Variants in FHL3 observed in about 807,000 individuals in gnomAD.
The protein encoded by FHL3 is four and a half LIM domains protein 3.
FHL3 carries 21 observed loss-of-function variants against 34.3 expected under a neutral mutation model. That is an observed-to-expected ratio of 0.61 (90% CI 0.43 to 0.88). FHL3 has a LOEUF of 0.88. Ranked by LOEUF, FHL3 falls within the 40% of genes least tolerant of loss-of-function variation. The probability of loss-of-function intolerance (pLI) is 0.00; values close to 1 mark genes in which losing one functional copy is unlikely to be tolerated. For missense variants in FHL3, 333 were observed against 373.7 expected (o/e 0.89, Z 0.90); for synonymous variants, 137 against 144.6 (o/e 0.95, Z 0.38).
intron 3 of FHL3, among the ~76,000 whole-genome samples, chr1:37,998,360 C>A (rs1557761855): frequency 6.6e-6 from 1 of 152,138 alleles, no homozygotes; most frequent in Non-Finnish European, 1.5e-5. Flanking sequence ...ATGTTAAGCC[C>A]CCATATGTCC....
intron 1 of FHL3, among the ~76,000 whole-genome samples, chr1:38,004,510 T>C (rs1394816695): frequency 1.5e-5 from 2 of 131,944 alleles, no homozygotes; most frequent in Non-Finnish European, 3.1e-5. Context: ...GGTGTCTGTC[T>C]CTGCTTCACT....
intron 3 of FHL3, 144 bp downstream of exon 3, chr1:37,998,830 C>T (rs964357322): frequency 3.7e-6 from 3 of 804,046 alleles, no homozygotes; most frequent in South Asian, 3.6e-5. Context: ...ACCAGGCAAA[C>T]AGATCCCGTA....
Position 37,997,765 on chromosome 1 carries a change from G to T in FHL3, c.607C>A (p.Arg203=), listed in dbSNP as rs187833193. ...TPLAGQQFTS[R]DEDPYCVACF... Reference sequence around the variant, plus strand: ...GCCACACAGTAGGGATCTTCATCCCGGGAGGTGAACTGCTGCCCTGCCAGG... The same window carrying T: ...GCCACACAGTAGGGATCTTCATCCCTGGAGGTGAACTGCTGCCCTGCCAGG... The change falls in exon 5 of 6, where the codon CGG becomes AGG. Residue 203 remains arginine, a synonymous_variant. Transcript: ENST00000373016. This position sits in a 1 kb window ranked among gnomAD's most constrained non-coding sequence, Gnocchi z 4.3. 3 of 1,614,158 alleles carry T rather than the reference G, an allele frequency of 1.9e-6. No homozygotes were observed. Among genetic ancestry groups the T allele is most frequent in the Non-Finnish European group, 2.5e-6 (3 of 1,180,008 alleles).
Position 37,999,026 on chromosome 1 carries a change from G to A in FHL3, c.279C>T (p.Tyr93=), listed in dbSNP as rs1488757163. ...QDSELLCNDC[Y]CSAFSSQCSA... ...AGCACTGCGAGGAAAACGCACTGCA[G>A]TAGCAGTCATTGCAGAGCAGCTCAC... The change falls in exon 3 of 6, where the codon TAC becomes TAT. Residue 93 remains tyrosine (Y), a synonymous_variant. Transcript: ENST00000373016. 2 of 1,614,276 alleles carry A rather than the reference G, an allele frequency of 1.2e-6. No homozygotes were observed. Among genetic ancestry groups the A allele is most frequent in the East Asian group, 2.2e-5 (1 of 44,888 alleles).
chr1:38,002,435 T>C (rs1420927513), intron 1 of FHL3, among the ~76,000 whole-genome samples: 1 of 151,802 alleles, frequency 6.6e-6, no homozygotes, highest in Non-Finnish European at 1.5e-5. Flanking sequence ...GGTCTCAATA[T>C]GCTGCGCAGG....
chr1:38,005,348 G>A lies in FHL3; in HGVS notation c.-21+9C>T, dbSNP rs1646633899. 2 of 149,924 alleles carry A rather than the reference G, an allele frequency of 1.3e-5. No individual in the cohort carries two copies. Among genetic ancestry groups the A allele is most frequent in the African/African-American group, 4.9e-5 (2 of 41,174 alleles). The allele number at this position is 149,924 out of a possible 1,614,324, so 9.3% of individuals were successfully genotyped here. ...CAGGGCTGGGAGCCGGGGTCGGCGG[G>A]GCGCTCACCTCGAAGCGGGCGGCGG... On this transcript the variant is annotated intron_variant, in intron 1 of 5. Coordinates refer to ENST00000373016, the MANE Select transcript of FHL3 (RefSeq NM_004468.5).
chr1:37,998,872 G>A, intron 3 of FHL3, 102 bp downstream of exon 3: 3 of 1,197,150 alleles, frequency 2.5e-6, no homozygotes, highest in Admixed American at 4.4e-5. Context: ...TGCTGTGTAT[G>A]CAGGTCTTTA....
chr1:37,999,174 G>A (rs772076683), intron 2 of FHL3, 26 bp from the exon 3 acceptor site: 2 of 1,613,998 alleles, frequency 1.2e-6, no homozygotes, highest in East Asian at 2.2e-5. Context: ...CAGGGGCACT[G>A]GCACCCAGGC....
rs1375621165 is a variant in FHL3 at position 38,005,406 on chromosome 1, G to A, written c.-70C>T. On this transcript the variant is annotated 5_prime_UTR_variant, in exon 1 of 6. Coordinates refer to ENST00000373016, the MANE Select transcript of FHL3 (RefSeq NM_004468.5). Reference sequence around the variant, plus strand: ...GAGCGCGCGGCGCAGGCGGGGCCGGGAACCGGGCGCCGCGTCCCTCGGCGG... The same window carrying A: ...GAGCGCGCGGCGCAGGCGGGGCCGGAAACCGGGCGCCGCGTCCCTCGGCGG... The A allele has an allele frequency of 6.7e-6, 1 of 149,382 alleles. No individual in the cohort carries two copies. Among genetic ancestry groups the A allele is most frequent in the Non-Finnish European group, 1.5e-5 (1 of 66,792 alleles). 9.3% of individuals were successfully genotyped at this position (149,382 alleles called of 1,614,324 possible).
chr1:37,998,936 T>C (rs935290655), intron 3 of FHL3, 38 bp downstream of exon 3: 16 of 1,602,066 alleles, frequency 1.0e-5, no homozygotes, highest in Non-Finnish European at 1.3e-5. Context: ...CCTACGCAGA[T>C]GCCAGTTCTC....
At chr1:37,998,929 A>G (rs778919572) in intron 3 of FHL3, 45 bp downstream of exon 3, 36 of 1,590,754 alleles carry the variant, frequency 2.3e-5, no homozygotes, top group Non-Finnish European at 3.1e-5. Flanking sequence ...CAAAGACCCT[A>G]CGCAGATGCC....
Position 37,998,968 on chromosome 1 carries a change from ACAT to A in FHL3, c.331+3_331+5del. On this transcript the variant is annotated splice_donor_5th_base_variant and intron_variant, in intron 3 of 5. Coordinates refer to ENST00000373016, the MANE Select transcript of FHL3 (RefSeq NM_004468.5). ...TCTCACACAAGATGAGCCCCTGAACACATACCAGGCATGACAGTCTCCCCACAA... is the reference window on the plus strand; with the variant it reads ...TCTCACACAAGATGAGCCCCTGAACAACCAGGCATGACAGTCTCCCCACAA... 6.2e-7 allele frequency: 1 copy of A among 1,613,182 alleles called. No homozygotes were observed.
intron 1 of FHL3, among the ~76,000 whole-genome samples, chr1:38,004,962 G>A (rs968621685): frequency 6.6e-6 from 1 of 152,056 alleles, no homozygotes; most frequent in Non-Finnish European, 1.5e-5. Flanking sequence ...GTGTGTCCTT[G>A]TTTCAGTGGT....
chr1:38,004,604 G>A (rs1354924316), intron 1 of FHL3, among the ~76,000 whole-genome samples: 2 of 152,084 alleles, frequency 1.3e-5, no homozygotes, highest in African/African-American at 2.4e-5. Flanking sequence ...TCCCCCAGGG[G>A]GCCCATGCCT....
intron 1 of FHL3, 83 bp downstream of exon 1, chr1:38,005,274 C>A (rs1646632776): frequency 6.6e-6 from 1 of 151,384 alleles, no homozygotes; most frequent in South Asian, 2.1e-4. Context: ...CTGGCCTCAG[C>A]CCTCCGCGGG....
Position 37,997,577 on chromosome 1 carries a change from G to C in FHL3, c.689-18C>G. On this transcript the variant is annotated intron_variant, in intron 5 of 5. Transcript: ENST00000373016. This position sits in a 1 kb window ranked among gnomAD's most constrained non-coding sequence, Gnocchi z 4.3. ...ACCGAGTCCTGGAGGGAGGCTGGAA[G>C]TTAGCTATGCAGATGTGGGGATGGT... 6.2e-7 allele frequency: 1 copy of C among 1,613,770 alleles called. No individual in the cohort carries two copies. Among genetic ancestry groups the C allele is most frequent in the Non-Finnish European group, 8.5e-7 (1 of 1,179,822 alleles).
At chr1:38,002,535 A>ATTTT (rs35702463) in intron 1 of FHL3, among the ~76,000 whole-genome samples, 3 of 106,744 alleles carry the variant, frequency 2.8e-5, no homozygotes, top group Admixed American at 1.0e-4. Flanking sequence ...TGCCAGCCCA[A>ATTTT]TTTTTTTTTT....
rs376716946 is a variant in FHL3, at chr1:37,998,074, A to G, written c.390T>C (p.Ser130=). ...QTWHEHCFLC[S]GCEQPLGSRS... ...GGGAGCCCAGTGGCTGTTCACAGCC[A>G]CTGCACAGGAAGCAGTGCTCATGCC... Residue 130 remains serine, a synonymous_variant, in exon 4 of 6, where the codon AGT becomes AGC. Coordinates refer to ENST00000373016, the MANE Select transcript of FHL3 (RefSeq NM_004468.5). The G allele has an allele frequency of 6.8e-6, 11 of 1,613,904 alleles. No homozygotes were observed. The highest frequency in any genetic ancestry group is 1.3e-5 in the African/African-American group (1 of 74,878).
intron 1 of FHL3, among the ~76,000 whole-genome samples, chr1:38,000,055 G>C (rs1361001921): frequency 6.6e-6 from 1 of 152,164 alleles, no homozygotes; most frequent in Non-Finnish European, 1.5e-5. Context: ...CAAGCAATGG[G>C]AACTTCAGAG....
Sources: allele counts gnomAD v4.1 joint callset (sites outside exome capture counted in the v4.1 genomes callset), GRCh38; gene constraint gnomAD v4.1.1; non-coding constraint Gnocchi (gnomAD v3.1); transcripts MANE v1.5; gene names NCBI Gene and HGNC (gene_info 2026-07-23, HGNC 2026-07-21).